CSNK1A1: variants seen among roughly 807,000 people sequenced by gnomAD.
CSNK1A1 encodes the protein casein kinase 1 alpha 1.
CSNK1A1 carries 7 observed loss-of-function variants against 46.1 expected under a neutral mutation model. The observed-to-expected ratio is 0.15, with a 90% CI of 0.09 to 0.29. The LOEUF is 0.29. Among genes scored for constraint, CSNK1A1 ranks in the 10% least tolerant of loss-of-function variants. The pLI is 1.00. For synonymous variants in CSNK1A1, 137 were observed against 141.5 expected (o/e 0.97, Z 0.23); for missense variants, 96 against 417.1 (o/e 0.23, Z 6.71).
intron 2 of CSNK1A1, among the ~76,000 whole-genome samples, chr5:149,542,668 ATATGTATATATATATATATATATATTTT>A (rs1762332718): frequency 8.5e-5 from 1 of 11,700 alleles, no homozygotes; most frequent in Non-Finnish European, 1.3e-4. Context: ...ATATATATAT[ATATGTATATATATATATATATATATTTT>A]TTTTTTTTTT....
rs1171466150 is a variant in CSNK1A1, at chr5:149,541,970, C to CAAAA, written c.230+8101_230+8104dup. 1.6e-3 allele frequency among the ~76,000 whole-genome samples: 66 copies of CAAAA among 40,016 alleles called. 5 individuals carry two copies. The East Asian group carries it at 0.023, about 14-fold the overall frequency. 26.3% of individuals were successfully genotyped at this position (40,016 alleles called of 152,430 possible). ...TGGGCAACAGAGAAAGACTGCATCT[C>CAAAA]AAAAAAAAAAAAAAAAAAAAAAAAA... On this transcript the variant is annotated intron_variant, in intron 2 of 9. Coordinates refer to ENST00000377843, the MANE Select transcript of CSNK1A1 (RefSeq NM_001892.6).
chr5:149,550,515 A>T lies in CSNK1A1; in HGVS notation c.123+327T>A, dbSNP rs1762624483. Among the ~76,000 whole-genome samples, 8 of 23,278 alleles carry T rather than the reference A, an allele frequency of 3.4e-4. No individual in the cohort carries two copies. In the South Asian group the frequency reaches 9.1e-3, roughly 26 times the overall value. 15.3% of individuals were successfully genotyped at this position (23,278 alleles called of 152,430 possible). A position where few individuals can be genotyped will look rare whatever the true frequency, so the allele number is the denominator to read the frequency against. On this transcript the variant is annotated intron_variant, in intron 1 of 9. Coordinates refer to ENST00000377843, the MANE Select transcript of CSNK1A1 (RefSeq NM_001892.6). This position sits in a 1 kb window ranked among gnomAD's most constrained non-coding sequence, Gnocchi z 4.3. ...AGAGGCCCAGTAGAATTAAGAATTAAAAAAAAAAAAACATGGGAATCACTG... is the reference window on the plus strand; with the variant it reads ...AGAGGCCCAGTAGAATTAAGAATTATAAAAAAAAAAACATGGGAATCACTG...
chr5:149,545,446 TG>T, intron 2 of CSNK1A1: 1 of 529,872 alleles, frequency 1.9e-6, no homozygotes, highest in Non-Finnish European at 3.4e-6. Flanking sequence ...GAACTGAAGC[TG>T]GAGCTGCAGC....
At chr5:149,543,298 A>C (rs780118201) in intron 2 of CSNK1A1, among the ~76,000 whole-genome samples, 47 of 152,322 alleles carry the variant, frequency 3.1e-4, no homozygotes, top group Non-Finnish European at 5.7e-4. Context: ...CCTGAGATTC[A>C]ACAGTCTAAT....
intron 2 of CSNK1A1, among the ~76,000 whole-genome samples, chr5:149,536,179 C>A (rs1306337661): frequency 6.6e-6 from 1 of 152,154 alleles, no homozygotes; most frequent in Non-Finnish European, 1.5e-5. Flanking sequence ...TCTGGAACAA[C>A]CAACCTCAGG....
At chr5:149,506,433 C>T (rs1186268912) in intron 8 of CSNK1A1, among the ~76,000 whole-genome samples, 5 of 152,018 alleles carry the variant, frequency 3.3e-5, no homozygotes, top group Non-Finnish European at 7.4e-5. Context: ...GATGGGGCTT[C>T]ACCATGTCGG....
chr5:149,528,639 C>T (rs537076907), intron 2 of CSNK1A1, among the ~76,000 whole-genome samples: 2 of 152,254 alleles, frequency 1.3e-5, no homozygotes, highest in Admixed American at 6.5e-5. Flanking sequence ...ACCTTAAAAC[C>T]CAGATGCCAA....
Position 149,525,177 on chromosome 5 carries a change from G to A in CSNK1A1, c.231-6C>T, listed in dbSNP as rs200989228. 1,284 of 1,592,334 alleles carry A rather than the reference G, an allele frequency of 8.1e-4. No individual in the cohort carries two copies. The highest frequency in any genetic ancestry group is 1.1e-3 in the Non-Finnish European group (1,233 of 1,172,190). ...CTTTTTCCTGACCATACCACCTAAC[G>A]AAACAAAAGGAGAAGAGAGGATATT... is the stretch of plus-strand genomic sequence containing the variant. On this transcript the variant is annotated splice_region_variant and splice_polypyrimidine_tract_variant and intron_variant, in intron 2 of 9. Coordinates refer to ENST00000377843, the MANE Select transcript of CSNK1A1 (RefSeq NM_001892.6). The surrounding 1 kb of genome is among the most constrained non-coding windows in gnomAD (Gnocchi z 4.2).
At chr5:149,533,076 G>A (rs532390026) in intron 2 of CSNK1A1, among the ~76,000 whole-genome samples, 22 of 152,052 alleles carry the variant, frequency 1.4e-4, no homozygotes, top group South Asian at 8.3e-4. Flanking sequence ...TTGAATTACC[G>A]TACATTTTCA....
chr5:149,503,591 C>A lies in CSNK1A1; in HGVS notation c.1006+1856G>T, dbSNP rs1263386867. 3.0e-6 allele frequency: 3 copies of A among 984,874 alleles called. No individual in the cohort carries two copies. The African/African-American group carries it at 5.2e-5, about 17-fold the overall frequency. 61.0% of individuals were successfully genotyped at this position (984,874 alleles called of 1,614,324 possible). On this transcript the variant is annotated intron_variant, in intron 9 of 9. Transcript: ENST00000377843. ...AAAATTTTTAAAAGATTTTAAGTTG[C>A]TTTTACAAAAAATAGCTACAATACA...
intron 9 of CSNK1A1, chr5:149,503,975 C>T: frequency 1.0e-6 from 1 of 985,378 alleles, no homozygotes; most frequent in South Asian, 4.7e-5. Context: ...TGTAACAAGT[C>T]CTTGGGTTAG....
rs1259824579 is a variant in CSNK1A1, at chr5:149,517,012, A to T, written c.456+3278T>A. ...CAGGAGCATGAACATTTATGAACTTAAATTTTGTGATAAAAAAGCTATTTA... is the reference window on the plus strand; with the variant it reads ...CAGGAGCATGAACATTTATGAACTTTAATTTTGTGATAAAAAAGCTATTTA... On this transcript the variant is annotated intron_variant, in intron 4 of 9. Coordinates refer to ENST00000377843, the MANE Select transcript of CSNK1A1 (RefSeq NM_001892.6). The surrounding 1 kb of genome is among the most constrained non-coding windows in gnomAD (Gnocchi z 4.4). Among the ~76,000 whole-genome samples the T allele has an allele frequency of 6.6e-6, 1 of 152,234 alleles. No homozygotes were observed. Among genetic ancestry groups the T allele is most frequent in the Non-Finnish European group, 1.5e-5 (1 of 68,026 alleles).
chr5:149,522,725 T>C (rs1761609814), intron 3 of CSNK1A1, among the ~76,000 whole-genome samples: 1 of 152,214 alleles, frequency 6.6e-6, no homozygotes, highest in South Asian at 2.1e-4. Context: ...AAATGAAAGC[T>C]TTCTTGTATC....
intron 4 of CSNK1A1, among the ~76,000 whole-genome samples, chr5:149,515,151 T>C (rs990114830): frequency 6.6e-6 from 1 of 152,206 alleles, no homozygotes; most frequent in Non-Finnish European, 1.5e-5. Context: ...ATTTAAAAAA[T>C]ATCTCTAAGA....
intron 2 of CSNK1A1, among the ~76,000 whole-genome samples, chr5:149,534,927 C>T (rs1437252650): frequency 6.8e-6 from 1 of 147,612 alleles, no homozygotes; most frequent in Non-Finnish European, 1.5e-5. Flanking sequence ...AAAAAAAAGC[C>T]CCTTACCTAC....
At chr5:149,542,618 A>ATACACG (rs1561772226) in intron 2 of CSNK1A1, among the ~76,000 whole-genome samples, 10 of 12,552 alleles carry the variant, frequency 8.0e-4, no homozygotes, top group African/African-American at 5.2e-3. Flanking sequence ...ATATATATAT[A>ATACACG]TATATATATA....
intron 2 of CSNK1A1, chr5:149,545,603 T>C: frequency 1.2e-6 from 1 of 835,472 alleles, no homozygotes; most frequent in Middle Eastern, 3.6e-4. Flanking sequence ...ATCTTGGGCT[T>C]AACCTCCTTG....
At chr5:149,501,196 C>G (rs1760845092) in intron 9 of CSNK1A1, 1 of 985,208 alleles carries the variant, frequency 1.0e-6, no homozygotes, top group Non-Finnish European at 1.2e-6. Flanking sequence ...GACCACAAAC[C>G]AACTCTTGCA....
chr5:149,500,814 A>G lies in CSNK1A1; in HGVS notation c.1007-3954T>C, dbSNP rs985001029. ...TATCTAAAGTTAAAGAATAATTAAA[A>G]AAAAAAAACCTGTAATAACTCTTCC... On this transcript the variant is annotated intron_variant, in intron 9 of 9. Transcript: ENST00000377843. Among the ~76,000 whole-genome samples the G allele has an allele frequency of 2.0e-5, 3 of 152,038 alleles. No individual in the cohort carries two copies. In the South Asian group the frequency reaches 6.2e-4, roughly 32 times the overall value.
Sources: allele counts gnomAD v4.1 joint callset (sites outside exome capture counted in the v4.1 genomes callset), GRCh38; gene constraint gnomAD v4.1.1; non-coding constraint Gnocchi (gnomAD v3.1); transcripts MANE v1.5; gene names NCBI Gene and HGNC (gene_info 2026-07-23, HGNC 2026-07-21).